The following MARCHF1 variants were observed in gnomAD, a reference collection of about 807,000 sequenced individuals.
The protein encoded by MARCHF1 is E3 ubiquitin-protein ligase MARCHF1.
In MARCHF1, 40 loss-of-function variants were observed where a neutral mutation model predicts 54.2. The ratio of observed to expected loss-of-function variants is 0.74; its 90% CI spans 0.57 to 0.96. The LOEUF is 0.96. Among genes scored for constraint, MARCHF1 ranks in the 40% least tolerant of loss-of-function variants. The probability of loss-of-function intolerance (pLI) is 0.00; values close to 1 mark genes in which losing one functional copy is unlikely to be tolerated. For missense variants in MARCHF1, 586 were observed against 656.5 expected (o/e 0.89, Z 1.17); for synonymous variants, 236 against 236.3 (o/e 1.00, Z 0.01).
At chr4:163,648,468 A>G (rs1742840473) in intron 5 of MARCHF1, among the ~76,000 whole-genome samples, 2 of 151,990 alleles carry the variant, frequency 1.3e-5, no homozygotes, top group Admixed American at 1.3e-4. Flanking sequence ...ACATTTGAAT[A>G]AATTTGATGC....
intron 1 of MARCHF1, among the ~76,000 whole-genome samples, chr4:164,373,767 G>A (rs779734979): frequency 6.6e-6 from 1 of 152,130 alleles, no homozygotes. Flanking sequence ...ACATCTCCCA[G>A]TAGCCATGTG....
At chr4:163,891,323 G>A (rs1750655987) in intron 3 of MARCHF1, among the ~76,000 whole-genome samples, 1 of 151,950 alleles carries the variant, frequency 6.6e-6, no homozygotes, top group East Asian at 1.9e-4. Context: ...ACCTGAATTT[G>A]TAGAGGAAAA....
intron 4 of MARCHF1, among the ~76,000 whole-genome samples, chr4:163,733,225 G>A (rs56263858): frequency 0.31 from 4,014 of 12,910 alleles, 800 homozygotes; most frequent in East Asian, 0.52. Context: ...ATATATACAC[G>A]TGTATATATA....
chr4:164,191,308 T>C (rs183066417), intron 1 of MARCHF1, among the ~76,000 whole-genome samples: 2 of 152,352 alleles, frequency 1.3e-5, no homozygotes, highest in East Asian at 3.9e-4. Flanking sequence ...ACTCTGCATA[T>C]TAATTGATTA....
intron 1 of MARCHF1, among the ~76,000 whole-genome samples, chr4:164,225,931 T>C (rs1418443238): frequency 6.6e-6 from 1 of 152,094 alleles, no homozygotes; most frequent in Non-Finnish European, 1.5e-5. Context: ...TATGCAAATT[T>C]CAGTCATTCC....
In MARCHF1 at chr4:163,570,820, GT is replaced by G. The variant is rs529942998; in HGVS notation, c.1191+14928del. On this transcript the variant is annotated intron_variant, in intron 8 of 9. Coordinates refer to ENST00000514618, the MANE Select transcript of MARCHF1 (RefSeq NM_001394959.1). ...CTTAGTAGGGACATCCCCCTTGAGA[GT>G]AGGCACATCTATTTCAGAATGCCAC... is the stretch of plus-strand genomic sequence containing the variant. 1.1e-4 allele frequency among the ~76,000 whole-genome samples: 17 copies of G among 152,206 alleles called. No individual in the cohort carries two copies. The East Asian group carries it at 3.3e-3, about 29-fold the overall frequency.
chr4:164,230,873 T>C (rs929980913), intron 1 of MARCHF1, among the ~76,000 whole-genome samples: 2 of 152,168 alleles, frequency 1.3e-5, no homozygotes, highest in Admixed American at 1.3e-4. Context: ...TATTGTGCAG[T>C]ATACTGTTTT....
intron 4 of MARCHF1, among the ~76,000 whole-genome samples, chr4:163,713,782 G>A (rs1473936813): frequency 6.6e-6 from 1 of 152,132 alleles, no homozygotes; most frequent in East Asian, 1.9e-4. Context: ...TAAGGATAAG[G>A]ACACTGGAAC....
At chr4:164,378,539 CT>C (rs1211003855) in intron 1 of MARCHF1, among the ~76,000 whole-genome samples, 1 of 152,172 alleles carries the variant, frequency 6.6e-6, no homozygotes, top group Non-Finnish European at 1.5e-5. Context: ...GACATCTGGG[CT>C]GGGTGCGGTG....
chr4:163,526,279 A>C lies in MARCHF1; in HGVS notation c.*2469T>G, dbSNP rs1738102100. On this transcript the variant is annotated 3_prime_UTR_variant, in exon 10 of 10. Coordinates refer to ENST00000514618, the MANE Select transcript of MARCHF1 (RefSeq NM_001394959.1). Reference sequence around the variant, plus strand: ...TTTAGCCGATCATCCTCCACTGTGAAATCAGCCCTGCAACGTATCTTGTTT... The same window carrying C: ...TTTAGCCGATCATCCTCCACTGTGACATCAGCCCTGCAACGTATCTTGTTT... 6.6e-6 allele frequency: 1 copy of C among 152,124 alleles called. No homozygotes were observed. Among genetic ancestry groups the C allele is most frequent in the Non-Finnish European group, 1.5e-5 (1 of 67,982 alleles). 9.4% of individuals were successfully genotyped at this position (152,124 alleles called of 1,614,324 possible).
chr4:163,780,063 G>A (rs1012714451), intron 4 of MARCHF1, among the ~76,000 whole-genome samples: 2 of 152,172 alleles, frequency 1.3e-5, no homozygotes. Flanking sequence ...ATTTGTTTAT[G>A]AGCCCATTGA....
intron 3 of MARCHF1, among the ~76,000 whole-genome samples, chr4:163,971,894 C>A (rs1204805836): frequency 6.6e-6 from 1 of 152,176 alleles, no homozygotes; most frequent in Non-Finnish European, 1.5e-5. Context: ...AAGCCACATG[C>A]ACATGTATGT....
At chr4:163,606,992 T>C (rs985348801) in intron 7 of MARCHF1, among the ~76,000 whole-genome samples, 1 of 152,060 alleles carries the variant, frequency 6.6e-6, no homozygotes, top group African/African-American at 2.4e-5. Context: ...TGCTAAAATG[T>C]AAGCCCGAAG....
intron 1 of MARCHF1, among the ~76,000 whole-genome samples, chr4:164,233,275 T>C (rs564858819): frequency 6.6e-6 from 1 of 152,282 alleles, no homozygotes; most frequent in South Asian, 2.1e-4. Context: ...TGTTCAAAGT[T>C]ACTGATAATC....
intron 4 of MARCHF1, among the ~76,000 whole-genome samples, chr4:163,725,156 T>C (rs183163675): frequency 6.6e-6 from 1 of 152,264 alleles, no homozygotes; most frequent in Non-Finnish European, 1.5e-5. Flanking sequence ...CTACCCCATA[T>C]ATATTAATTT....
chr4:164,160,690 C>T (rs28413820), intron 1 of MARCHF1, among the ~76,000 whole-genome samples: 28,934 of 151,964 alleles, frequency 0.19, 4,363 homozygotes, highest in African/African-American at 0.41. Flanking sequence ...TGAATTCAAC[C>T]ACTGACAGTG....
At chr4:163,894,622 T>C (rs1750740739) in intron 3 of MARCHF1, among the ~76,000 whole-genome samples, 2 of 142,160 alleles carry the variant, frequency 1.4e-5, no homozygotes, top group South Asian at 2.2e-4. Flanking sequence ...TATATATGCA[T>C]GTGATGCATA....
chr4:163,849,728 A>G lies in MARCHF1; in HGVS notation c.111+4293T>C, dbSNP rs529093215. On this transcript the variant is annotated intron_variant, in intron 4 of 9. Transcript: ENST00000514618. The stretch of plus-strand genomic sequence containing the variant: ...CTCTTCTCTGATAAATTCAAAAGCC[A>G]TATTTATAATATAATAGCAGCAGGA... Among the ~76,000 whole-genome samples the G allele has an allele frequency of 5.9e-5, 9 of 152,292 alleles. No homozygotes were observed. The South Asian group carries it at 1.7e-3, about 28-fold the overall frequency.
intron 1 of MARCHF1, among the ~76,000 whole-genome samples, chr4:164,228,404 T>C (rs982280918): frequency 4.6e-5 from 7 of 152,214 alleles, no homozygotes; most frequent in African/African-American, 1.2e-4. Context: ...AGTAGCTTTA[T>C]TCTTGGTTGA....
Sources: gnomAD v4.1 joint callset for allele counts (sites outside exome capture counted in the v4.1 genomes callset) on GRCh38, gnomAD v4.1.1 for gene constraint, MANE v1.5 for transcripts, NCBI Gene and HGNC (gene_info 2026-07-23, HGNC 2026-07-21) for gene names.